BRINP1: variants seen among roughly 807,000 people sequenced by gnomAD.
The protein encoded by BRINP1 is BMP/retinoic acid-inducible neural-specific protein 1.
A neutral mutation model predicts 72.9 loss-of-function variants in BRINP1; 17 were observed. That is an observed-to-expected ratio of 0.23 (90% CI 0.16 to 0.35). The LOEUF is 0.35. BRINP1 is among the 10% of genes least tolerant of loss of function. The pLI is 1.00. For synonymous variants in BRINP1, 418 were observed against 378.5 expected, an observed-to-expected ratio of 1.10 and a Z score of -1.21; for missense variants, 850 against 1,001.6, an observed-to-expected ratio of 0.85 and a Z score of 2.04.
At position 119,171,903 on chromosome 9, in the gene BRINP1, AG is replaced by A. The variant is rs1280157988; in HGVS notation, c.1146-3680del. Among the ~76,000 whole-genome samples the A allele has an allele frequency of 3.1e-5, 4 of 127,048 alleles. No individual in the cohort carries two copies. In the East Asian group the frequency reaches 8.2e-4, roughly 26 times the overall value. The allele number at this position is 127,048 out of a possible 152,430, so 83.3% of individuals were successfully genotyped here. A position where few individuals can be genotyped will look rare whatever the true frequency, so the allele number is the denominator to read the frequency against. On this transcript the variant is annotated intron_variant, in intron 7 of 7. Transcript: ENST00000265922. The stretch of plus-strand genomic sequence containing the variant: ...GACTACTGGGTACATAACGAAATGA[AG>A]GCAGAAATAAAGATGTTCTTTGAAA...
intron 1 of BRINP1, among the ~76,000 whole-genome samples, chr9:119,367,205 G>GTGTA (rs1831701239): frequency 1.5e-5 from 1 of 64,794 alleles, no homozygotes; most frequent in Admixed American, 2.2e-4. Flanking sequence ...GTGTGTGTGT[G>GTGTA]TGTGTGTGTG....
chr9:119,333,860 T>C (rs1831324454), intron 1 of BRINP1, among the ~76,000 whole-genome samples: 1 of 152,190 alleles, frequency 6.6e-6, no homozygotes. Context: ...GCCCTTAATC[T>C]TCAAAACACA....
At chr9:119,265,704 ATTCATTCT>A (rs1830541271) in intron 2 of BRINP1, among the ~76,000 whole-genome samples, 7 of 152,030 alleles carry the variant, frequency 4.6e-5, no homozygotes, top group Admixed American at 1.3e-4. Flanking sequence ...ATGACTTGCT[ATTCATTCT>A]TTCAATCAGT....
At chr9:119,213,678 G>A (rs972087926) in intron 6 of BRINP1, 18 of 594,146 alleles carry the variant, frequency 3.0e-5, no homozygotes, top group African/African-American at 2.2e-4. Context: ...TTCTGGGTAC[G>A]ACAGAAACAA....
intron 7 of BRINP1, among the ~76,000 whole-genome samples, chr9:119,190,638 C>T (rs1829674131): frequency 6.6e-6 from 1 of 151,794 alleles, no homozygotes; most frequent in South Asian, 2.1e-4. Flanking sequence ...CTAACAAAGA[C>T]ATTGAAGTGA....
chr9:119,238,766 G>A lies in BRINP1; in HGVS notation c.580-6C>T. 27 of 1,556,182 alleles carry A rather than the reference G, an allele frequency of 1.7e-5. No homozygotes were observed. Among genetic ancestry groups the A allele is most frequent in the Non-Finnish European group, 2.4e-5 (27 of 1,132,620 alleles). ...CCAGTGCGTGTCTCTGTGACCTGCA[G>A]TAGATATCAAATAAGATAGGTGTGA... On this transcript the variant is annotated splice_region_variant and splice_polypyrimidine_tract_variant and intron_variant, in intron 4 of 7. Coordinates refer to ENST00000265922, the MANE Select transcript of BRINP1 (RefSeq NM_014618.3).
chr9:119,317,107 A>C (rs1178621321), intron 1 of BRINP1, among the ~76,000 whole-genome samples: 1 of 149,152 alleles, frequency 6.7e-6, no homozygotes, highest in African/African-American at 2.6e-5. Flanking sequence ...AAAATAAAAT[A>C]AAGAAAAAAG....
chr9:119,365,796 T>C (rs932408071), intron 1 of BRINP1, among the ~76,000 whole-genome samples: 24 of 152,086 alleles, frequency 1.6e-4, no homozygotes, highest in Non-Finnish European at 3.1e-4. Context: ...AAGAGCTGAT[T>C]TGGCATCTCT....
intron 7 of BRINP1, among the ~76,000 whole-genome samples, chr9:119,172,693 G>T (rs1829430067): frequency 6.6e-6 from 1 of 151,678 alleles, no homozygotes. Context: ...GAGAATTTTA[G>T]ACCAATATCC....
intron 1 of BRINP1, among the ~76,000 whole-genome samples, chr9:119,345,872 T>TTTTTG (rs1831446302): frequency 6.6e-6 from 1 of 152,092 alleles, no homozygotes; most frequent in African/African-American, 2.4e-5. Context: ...GAGGTGGTTT[T>TTTTTG]TTTTGTTTTG....
At chr9:119,223,315 TTA>T (rs1471157975) in intron 5 of BRINP1, among the ~76,000 whole-genome samples, 4 of 152,072 alleles carry the variant, frequency 2.6e-5, no homozygotes, top group Non-Finnish European at 5.9e-5. Context: ...TGTATGTAAA[TTA>T]TATGTCAATG....
At chr9:119,256,015 T>TCTTGGGAC (rs2118928861) in intron 2 of BRINP1, among the ~76,000 whole-genome samples, 1 of 147,740 alleles carries the variant, frequency 6.8e-6, no homozygotes. Flanking sequence ...GGCTCTGTGC[T>TCTTGGGAC]CTTGGGACGG....
At chr9:119,303,962 CT>C (rs1442171470) in intron 2 of BRINP1, among the ~76,000 whole-genome samples, 2 of 151,280 alleles carry the variant, frequency 1.3e-5, no homozygotes, top group Non-Finnish European at 1.5e-5. Context: ...TCACTGCAAC[CT>C]CTGCCTCCTC....
intron 7 of BRINP1, among the ~76,000 whole-genome samples, chr9:119,170,433 A>AAAGAATAAAAAGAAAT (rs1829391837): frequency 6.6e-6 from 1 of 150,454 alleles, no homozygotes; most frequent in African/African-American, 2.4e-5. Context: ...TTTAGAGAAA[A>AAAGAATAAAAAGAAAT]AAGAATAAAA....
chr9:119,260,281 A>G (rs1406445446), intron 2 of BRINP1, among the ~76,000 whole-genome samples: 3 of 152,200 alleles, frequency 2.0e-5, no homozygotes, highest in African/African-American at 7.2e-5. Flanking sequence ...TTGGAAAACT[A>G]TCACACTCCT....
At chr9:119,184,765 A>G (rs192592786) in intron 7 of BRINP1, among the ~76,000 whole-genome samples, 80 of 152,276 alleles carry the variant, frequency 5.3e-4, no homozygotes, top group African/African-American at 1.5e-3. Flanking sequence ...ATCTGCTTGC[A>G]GTCACACGAG....
intron 1 of BRINP1, among the ~76,000 whole-genome samples, chr9:119,324,402 G>A (rs1176147120): frequency 2.6e-5 from 4 of 152,154 alleles, no homozygotes; most frequent in East Asian, 3.9e-4. Flanking sequence ...GTGATATGGA[G>A]TTTAGGATTC....
At chr9:119,196,363 C>G (rs902187835) in intron 7 of BRINP1, among the ~76,000 whole-genome samples, 7 of 152,198 alleles carry the variant, frequency 4.6e-5, no homozygotes, top group Non-Finnish European at 7.3e-5. Context: ...CATATCAGCA[C>G]AGAGAAGAAA....
chr9:119,343,068 T>C (rs1831420133), intron 1 of BRINP1, among the ~76,000 whole-genome samples: 1 of 152,188 alleles, frequency 6.6e-6, no homozygotes. Flanking sequence ...GCCTGCAACA[T>C]AGGAAGCATG....
Sources: gnomAD v4.1 joint callset for allele counts (sites outside exome capture counted in the v4.1 genomes callset) on GRCh38, gnomAD v4.1.1 for gene constraint, MANE v1.5 for transcripts, NCBI Gene and HGNC (gene_info 2026-07-23, HGNC 2026-07-21) for gene names.